CELF2: variants seen among roughly 807,000 people sequenced by gnomAD.
CELF2 encodes the protein CUGBP Elav-like family member 2.
Under a neutral mutation model 62.6 loss-of-function variants are expected in CELF2, and 8 were observed. That is an observed-to-expected ratio of 0.13 (90% CI 0.07 to 0.23). The LOEUF (loss-of-function observed/expected upper bound fraction) is 0.23, where lower values mean the gene tolerates loss of function less well. CELF2 is among the 10% of genes least tolerant of loss of function. The probability of loss-of-function intolerance (pLI) is 1.00; values close to 1 mark genes in which losing one functional copy is unlikely to be tolerated. For synonymous variants in CELF2, 258 were observed against 250.0 expected, an observed-to-expected ratio of 1.03 and a Z score of -0.30; for missense variants, 333 against 671.0, an observed-to-expected ratio of 0.50 and a Z score of 5.56.
upstream of CELF2, among the ~76,000 whole-genome samples, chr10:11,002,939 T>C (rs564158981): frequency 5.9e-5 from 9 of 152,322 alleles, no homozygotes; most frequent in South Asian, 1.9e-3. The surrounding 1 kb of genome is among the most constrained non-coding windows in gnomAD (Gnocchi z 4.4). Context: ...GTATTAATTA[T>C]CAGATAAGGG....
At chr10:10,641,591 C>T in the CELF2 span, among the ~76,000 whole-genome samples, 1 of 152,062 alleles carries the variant, frequency 6.6e-6, no homozygotes, top group African/African-American at 2.4e-5. Flanking sequence ...CAGGAGACCG[C>T]CACCACATCC....
chr10:10,699,203 A>G, the CELF2 span, among the ~76,000 whole-genome samples: 1 of 152,232 alleles, frequency 6.6e-6, no homozygotes, highest in Non-Finnish European at 1.5e-5. Flanking sequence ...TCATATCTGT[A>G]TATATACACA....
intron 1 of CELF2, among the ~76,000 whole-genome samples, chr10:10,876,895 T>C (rs2061133515): frequency 6.6e-6 from 1 of 152,258 alleles, no homozygotes; most frequent in South Asian, 2.1e-4. Context: ...TGTGTGTTTG[T>C]GTGCAACACA....
At chr10:11,062,343 C>A (rs563542697) in intron 1 of CELF2, among the ~76,000 whole-genome samples, 1 of 152,336 alleles carries the variant, frequency 6.6e-6, no homozygotes, top group African/African-American at 2.4e-5. Flanking sequence ...TTTTGTAAGG[C>A]TATGGCTGCT....
intron 1 of CELF2, among the ~76,000 whole-genome samples, chr10:11,119,519 T>C (rs1747715): frequency 0.19 from 29,446 of 152,232 alleles, 4,182 homozygotes; most frequent in East Asian, 0.73. Flanking sequence ...TAATAACTTA[T>C]TTAATCAATT....
chr10:10,769,219 G>A, the CELF2 span, among the ~76,000 whole-genome samples: 4 of 152,102 alleles, frequency 2.6e-5, no homozygotes, highest in Non-Finnish European at 5.9e-5. Flanking sequence ...AGTCTATCAG[G>A]CGAGAGAAAA....
the CELF2 span, among the ~76,000 whole-genome samples, chr10:10,488,966 G>A: frequency 7.4e-3 from 1,128 of 152,180 alleles, 7 homozygotes; most frequent in Non-Finnish European, 0.012. Context: ...AAAATTTAGA[G>A]TAGGGAATGG....
At chr10:10,793,570 C>T (rs1039859823), upstream of CELF2, among the ~76,000 whole-genome samples, 2 of 152,190 alleles carry the variant, frequency 1.3e-5, no homozygotes, top group Non-Finnish European at 2.9e-5. Flanking sequence ...AGTTTCAATG[C>T]TTCTCAACAC....
At chr10:10,544,385 G>A in the CELF2 span, among the ~76,000 whole-genome samples, 1 of 152,240 alleles carries the variant, frequency 6.6e-6, no homozygotes, top group Non-Finnish European at 1.5e-5. Context: ...GTGCATTTGG[G>A]TGAACCTGGG....
At chr10:10,541,085 T>C in the CELF2 span, among the ~76,000 whole-genome samples, 2 of 151,376 alleles carry the variant, frequency 1.3e-5, no homozygotes, top group Non-Finnish European at 2.9e-5. Context: ...CTACTAAAAA[T>C]ACAAAAAATT....
chr10:10,529,752 G>T, the CELF2 span, among the ~76,000 whole-genome samples: 1 of 150,012 alleles, frequency 6.7e-6, no homozygotes, highest in Non-Finnish European at 1.5e-5. Flanking sequence ...TGAATTATTT[G>T]CTAAGGGAAA....
chr10:10,780,310 A>G, the CELF2 span, among the ~76,000 whole-genome samples: 1,347 of 152,250 alleles, frequency 8.8e-3, 23 homozygotes, highest in African/African-American at 0.031. Context: ...ATAAGAATTA[A>G]TGATTCCTGG....
intron 1 of CELF2, among the ~76,000 whole-genome samples, chr10:11,133,419 A>G (rs1345917302): frequency 6.6e-6 from 1 of 152,210 alleles, no homozygotes; most frequent in Admixed American, 6.5e-5. Context: ...AAGAAGAAGA[A>G]GAAACATTCG....
At chr10:10,477,770 C>CA in the CELF2 span, among the ~76,000 whole-genome samples, 14,846 of 119,142 alleles carry the variant, frequency 0.12, 1,291 homozygotes, top group African/African-American at 0.28. Flanking sequence ...CCTGCAACAC[C>CA]AAAAAAAAAA....
chr10:10,786,177 A>G, the CELF2 span, among the ~76,000 whole-genome samples: 1 of 152,188 alleles, frequency 6.6e-6, no homozygotes, highest in South Asian at 2.1e-4. Context: ...ATTGCTCACA[A>G]TTGCGCCACT....
chr10:11,256,918 C>T (rs1350679146), intron 4 of CELF2, among the ~76,000 whole-genome samples: 1 of 152,046 alleles, frequency 6.6e-6, no homozygotes, highest in Non-Finnish European at 1.5e-5. Flanking sequence ...AGAATCTTGC[C>T]TCCCGGTGGC....
At chr10:11,181,361 A>T (rs1375559630) in intron 2 of CELF2, among the ~76,000 whole-genome samples, 1 of 152,128 alleles carries the variant, frequency 6.6e-6, no homozygotes, top group Non-Finnish European at 1.5e-5. Context: ...GTTGTCATTG[A>T]TGTCTCTGTA....
chr10:11,233,269 C>T (rs1195582318), intron 3 of CELF2, among the ~76,000 whole-genome samples: 1 of 152,188 alleles, frequency 6.6e-6, no homozygotes, highest in Non-Finnish European at 1.5e-5. Flanking sequence ...GGCTTTCACA[C>T]ACGCAGGAGA....
intron 2 of CELF2, among the ~76,000 whole-genome samples, chr10:10,969,470 CTG>C (rs2050517151): frequency 6.6e-6 from 1 of 152,196 alleles, no homozygotes; most frequent in South Asian, 2.1e-4. Flanking sequence ...GTAGATTAGT[CTG>C]TCTCTTTAGT....
Sources: allele counts gnomAD v4.1 joint callset (sites outside exome capture counted in the v4.1 genomes callset), GRCh38; gene constraint gnomAD v4.1.1; non-coding constraint Gnocchi (gnomAD v3.1); transcripts MANE v1.5; gene names NCBI Gene and HGNC (gene_info 2026-07-23, HGNC 2026-07-21).